The following ASIC2 variants were observed in gnomAD, a reference collection of about 807,000 sequenced individuals.
ASIC2 encodes the protein acid-sensing ion channel 2.
A neutral mutation model predicts 57.3 loss-of-function variants in ASIC2; 25 were observed. The observed-to-expected ratio is 0.44, with a 90% CI of 0.32 to 0.61. ASIC2 has a LOEUF of 0.61. Among genes scored for constraint, ASIC2 ranks in the 20% least tolerant of loss-of-function variants. The pLI is 0.06. For missense variants in ASIC2, 641 were observed against 738.1 expected (o/e 0.87, Z 1.52); for synonymous variants, 319 against 307.5 (o/e 1.04, Z -0.39).
intron 1 of ASIC2, among the ~76,000 whole-genome samples, chr17:33,117,272 G>A (rs749752321): frequency 2.6e-5 from 4 of 151,940 alleles, no homozygotes; most frequent in African/African-American, 9.7e-5. Context: ...TCCTGGGGTC[G>A]AGCGATTCTC....
intron 1 of ASIC2, among the ~76,000 whole-genome samples, chr17:33,600,339 A>G (rs1905091406): frequency 6.6e-6 from 1 of 152,016 alleles, no homozygotes; most frequent in African/African-American, 2.4e-5. Flanking sequence ...ACCAGATGCA[A>G]CCCTTTGACA....
intron 1 of ASIC2, among the ~76,000 whole-genome samples, chr17:33,733,331 A>G (rs1485831423): frequency 6.6e-6 from 1 of 152,186 alleles, no homozygotes; most frequent in East Asian, 1.9e-4. Context: ...TATCTGGTGA[A>G]GCCCCCATCA....
chr17:33,749,289 T>TC (rs541464087), intron 1 of ASIC2, among the ~76,000 whole-genome samples: 33 of 150,786 alleles, frequency 2.2e-4, no homozygotes, highest in African/African-American at 7.3e-4. Context: ...CTCCAGCTGC[T>TC]CCCCCAACCC....
chr17:33,519,271 T>C (rs576959455), intron 1 of ASIC2, among the ~76,000 whole-genome samples: 1 of 152,176 alleles, frequency 6.6e-6, no homozygotes, highest in African/African-American at 2.4e-5. Context: ...CCTTCCGTTA[T>C]ACAAATAGAA....
chr17:33,112,206 T>C (rs1386141189), intron 1 of ASIC2, 139 bp from the exon 2 acceptor site: 1 of 1,138,884 alleles, frequency 8.8e-7, no homozygotes, highest in Non-Finnish European at 1.2e-6. Flanking sequence ...CAGGAACCAG[T>C]GGTTTTTCAT....
intron 1 of ASIC2, among the ~76,000 whole-genome samples, chr17:34,131,143 C>T (rs1349731771): frequency 2.6e-5 from 4 of 152,018 alleles, no homozygotes; most frequent in East Asian, 1.9e-4. Context: ...TTGTATATTA[C>T]GGCAGAGTTA....
At chr17:33,068,570 CA>C (rs2092054142) in intron 3 of ASIC2, among the ~76,000 whole-genome samples, 1 of 87,212 alleles carries the variant, frequency 1.1e-5, no homozygotes, top group Admixed American at 1.2e-4. Context: ...AAAACAAACC[CA>C]AAATAAGTGA....
chr17:33,940,644 G>C (rs1397559182), intron 1 of ASIC2, among the ~76,000 whole-genome samples: 1 of 152,100 alleles, frequency 6.6e-6, no homozygotes, highest in Non-Finnish European at 1.5e-5. Flanking sequence ...CAAAAATATA[G>C]TTCCTGGCTT....
intron 1 of ASIC2, among the ~76,000 whole-genome samples, chr17:33,515,495 A>G (rs1914539159): frequency 6.6e-6 from 1 of 152,180 alleles, no homozygotes; most frequent in South Asian, 2.1e-4. Flanking sequence ...TAAAATGGAG[A>G]TGAGAATACT....
intron 1 of ASIC2, among the ~76,000 whole-genome samples, chr17:33,963,650 T>C (rs758974197): frequency 5.3e-5 from 8 of 151,744 alleles, no homozygotes; most frequent in Admixed American, 3.3e-4. Context: ...TATATAATAA[T>C]ATGCATAATA....
intron 1 of ASIC2, among the ~76,000 whole-genome samples, chr17:33,736,842 G>T (rs1200053656): frequency 1.3e-5 from 2 of 152,188 alleles, no homozygotes; most frequent in Non-Finnish European, 2.9e-5. Flanking sequence ...ACTTTACACG[G>T]AAACGTGCTT....
chr17:33,838,094 G>A (rs1913326551), intron 1 of ASIC2, among the ~76,000 whole-genome samples: 1 of 152,168 alleles, frequency 6.6e-6, no homozygotes, highest in South Asian at 2.1e-4. Context: ...ATTTGAAGCA[G>A]TAGTTTTGTG....
chr17:33,312,251 T>C (rs997891707), intron 1 of ASIC2, among the ~76,000 whole-genome samples: 1 of 152,206 alleles, frequency 6.6e-6, no homozygotes, highest in Non-Finnish European at 1.5e-5. Context: ...AAACAAGCTT[T>C]GAATGGTAGC....
At chr17:33,343,883 G>A (rs547159232) in intron 1 of ASIC2, among the ~76,000 whole-genome samples, 4 of 152,186 alleles carry the variant, frequency 2.6e-5, no homozygotes, top group East Asian at 3.9e-4. Flanking sequence ...CCTGAAAAGC[G>A]ACTGTGCCTT....
intron 3 of ASIC2, among the ~76,000 whole-genome samples, chr17:33,035,622 A>G (rs894770518): frequency 6.6e-6 from 1 of 152,344 alleles, no homozygotes; most frequent in African/African-American, 2.4e-5. Context: ...CTCCTAAGGA[A>G]CAACACTTCT....
intron 1 of ASIC2, among the ~76,000 whole-genome samples, chr17:33,894,992 C>A (rs1915057658): frequency 6.6e-6 from 1 of 152,088 alleles, no homozygotes; most frequent in Non-Finnish European, 1.5e-5. Context: ...GCAATTAGAG[C>A]CCATATTGGG....
chr17:33,757,619 C>G (rs915952076), intron 1 of ASIC2, among the ~76,000 whole-genome samples: 2 of 152,214 alleles, frequency 1.3e-5, no homozygotes, highest in Admixed American at 6.5e-5. Context: ...AAATACAGCT[C>G]TTAGACTTCT....
intron 1 of ASIC2, among the ~76,000 whole-genome samples, chr17:33,161,612 T>C (rs924881629): frequency 6.6e-6 from 1 of 152,212 alleles, no homozygotes; most frequent in Non-Finnish European, 1.5e-5. Context: ...TGTAAGCTCT[T>C]TGAGGGCTGG....
intron 1 of ASIC2, among the ~76,000 whole-genome samples, chr17:33,890,108 A>T (rs185769330): frequency 1.4e-3 from 206 of 152,298 alleles, no homozygotes; most frequent in African/African-American, 4.8e-3. Flanking sequence ...CATTAATTTA[A>T]AAAAGTAAAA....
Sources: allele counts gnomAD v4.1 joint callset (sites outside exome capture counted in the v4.1 genomes callset), GRCh38; gene constraint gnomAD v4.1.1; transcripts MANE v1.5; gene names NCBI Gene and HGNC (gene_info 2026-07-23, HGNC 2026-07-21).